MTUS2: variants seen among roughly 807,000 people sequenced by gnomAD.
MTUS2 encodes the protein microtubule associated scaffold protein 2.
Under a neutral mutation model 114.1 loss-of-function variants are expected in MTUS2, and 40 were observed. That is an observed-to-expected ratio of 0.35 (90% CI 0.27 to 0.46). The LOEUF is 0.46. Among genes scored for constraint, MTUS2 ranks in the 20% least tolerant of loss-of-function variants. The probability of loss-of-function intolerance (pLI) is 1.00; values close to 1 mark genes in which losing one functional copy is unlikely to be tolerated. For synonymous variants in MTUS2, 688 were observed against 672.0 expected (o/e 1.02, Z -0.37); for missense variants, 1,679 against 1,705.4 (o/e 0.98, Z 0.27).
Position 29,440,003 on chromosome 13 carries a change from A to G in MTUS2, c.3138A>G (p.Lys1046=), listed in dbSNP as rs1247118418. 2 of 1,588,006 alleles carry G rather than the reference A, an allele frequency of 1.3e-6. No homozygotes were observed. Among genetic ancestry groups the G allele is most frequent in the Non-Finnish European group, 8.6e-7 (1 of 1,165,408 alleles). Residue 1046 remains lysine, a synonymous_variant, in exon 9 of 16, where the codon AAA becomes AAG. Coordinates refer to ENST00000612955, the MANE Select transcript of MTUS2 (RefSeq NM_001033602.4). ...TTCAGAATGAAAGTGCCCTTGTGAAAGAAAAAGAGCTGTCAATCGAACTTG... is the reference window on the plus strand; with the variant it reads ...TTCAGAATGAAAGTGCCCTTGTGAAGGAAAAAGAGCTGTCAATCGAACTTG... The part of the protein sequence containing the change: ...FFRKNESALV[K]EKELSIELAN...
intron 2 of MTUS2, among the ~76,000 whole-genome samples, chr13:28,989,135 A>T (rs922794140): frequency 3.3e-5 from 5 of 152,144 alleles, no homozygotes; most frequent in African/African-American, 1.2e-4. Flanking sequence ...ATAACTTAAG[A>T]TGCTCTGTTG....
At chr13:29,050,253 A>T (rs897323175) in intron 4 of MTUS2, among the ~76,000 whole-genome samples, 3 of 152,110 alleles carry the variant, frequency 2.0e-5, no homozygotes, top group African/African-American at 7.2e-5. Context: ...CTAGATACCC[A>T]ATCAGTTTTA....
At chr13:29,115,397 C>T (rs570792524) in intron 5 of MTUS2, among the ~76,000 whole-genome samples, 1 of 152,274 alleles carries the variant, frequency 6.6e-6, no homozygotes, top group African/African-American at 2.4e-5. Context: ...GTGAATTTGG[C>T]ATTGGGATCT....
At chr13:29,445,141 A>C (rs1183282142) in intron 9 of MTUS2, among the ~76,000 whole-genome samples, 2 of 152,220 alleles carry the variant, frequency 1.3e-5, no homozygotes, top group Non-Finnish European at 2.9e-5. Flanking sequence ...ACTGGAAGAT[A>C]ATCTCCAATA....
chr13:29,298,804 A>G (rs1035051704), intron 6 of MTUS2, among the ~76,000 whole-genome samples: 3 of 152,216 alleles, frequency 2.0e-5, no homozygotes, highest in Admixed American at 6.5e-5. Flanking sequence ...TGAAAGAATC[A>G]TGGTGCCTCA....
At chr13:29,296,760 A>G (rs372624767) in intron 6 of MTUS2, among the ~76,000 whole-genome samples, 2 of 152,094 alleles carry the variant, frequency 1.3e-5, no homozygotes, top group Non-Finnish European at 2.9e-5. Context: ...AGGGTTGTCT[A>G]TTCAGCTCAT....
intron 2 of MTUS2, among the ~76,000 whole-genome samples, chr13:28,925,595 A>ACT (rs1322415245): frequency 1.3e-5 from 2 of 151,852 alleles, no homozygotes; most frequent in Non-Finnish European, 2.9e-5. Flanking sequence ...GGTGAGAGAA[A>ACT]CTCTACCTCA....
intron 8 of MTUS2, among the ~76,000 whole-genome samples, chr13:29,365,510 T>TTGTGTGTGTGTGTGTGTG (rs56164752): frequency 0.4 from 58,064 of 146,596 alleles, 13,173 homozygotes; most frequent in South Asian, 0.56. Flanking sequence ...TTGTTTGGGT[T>TTGTGTGTGTGTGTGTGTG]TGTGTGTGTG....
In MTUS2 at chr13:29,497,366, C is replaced by T. The variant is rs2297341; in HGVS notation, c.3678+30C>T. ...TTTCTGGATTCCAGGCTTCCAGCCCCGCAGGAACCCCGCCCCAGCAAGGCC... is the reference window on the plus strand; with the variant it reads ...TTTCTGGATTCCAGGCTTCCAGCCCTGCAGGAACCCCGCCCCAGCAAGGCC... On this transcript the variant is annotated intron_variant, in intron 13 of 15. Coordinates refer to ENST00000612955, the MANE Select transcript of MTUS2 (RefSeq NM_001033602.4). 708 of 1,585,230 alleles carry T rather than the reference C, an allele frequency of 4.5e-4. 10 individuals carry two copies. The East Asian group carries it at 0.015, about 35-fold the overall frequency.
intron 5 of MTUS2, among the ~76,000 whole-genome samples, chr13:29,222,547 C>T (rs1895949202): frequency 6.6e-6 from 1 of 152,224 alleles, no homozygotes; most frequent in Non-Finnish European, 1.5e-5. Context: ...AGGTGGTGGC[C>T]TGTCTGGAGC....
Position 29,141,481 on chromosome 13 carries a change from G to T in MTUS2, c.2644+40511G>T, listed in dbSNP as rs138867771. Among the ~76,000 whole-genome samples the T allele has an allele frequency of 2.8e-3, 419 of 152,296 alleles. 2 individuals carry two copies. Among genetic ancestry groups the T allele is most frequent in the African/African-American group, 9.6e-3 (399 of 41,554 alleles). On this transcript the variant is annotated intron_variant, in intron 5 of 15. Transcript: ENST00000612955. ...GATAATTCAGTTTGATTGCAGCCTT[G>T]TGGTTACAGAAGCACATAGGAGCCC...
In MTUS2 at chr13:29,440,161, G is replaced by C. The variant is rs1377868428; in HGVS notation, c.3184+112G>C. ...TAATAAGCCAGTGCAAACCTGCCTA[G>C]ATGAATGAAGTATCTCACCCAGCAC... On this transcript the variant is annotated intron_variant, in intron 9 of 15. Transcript: ENST00000612955. 2.0e-5 allele frequency: 20 copies of C among 1,005,358 alleles called. No individual in the cohort carries two copies. In the Admixed American group the frequency reaches 4.7e-4, roughly 23 times the overall value. 62.3% of individuals were successfully genotyped at this position (1,005,358 alleles called of 1,614,324 possible). A position where few individuals can be genotyped will look rare whatever the true frequency, so the allele number is the denominator to read the frequency against.
intron 4 of MTUS2, among the ~76,000 whole-genome samples, chr13:29,062,239 G>A (rs1184069362): frequency 1.3e-5 from 2 of 152,164 alleles, no homozygotes; most frequent in Admixed American, 1.3e-4. Context: ...ACCTGCCTCA[G>A]CCTCCCAAAG....
intron 5 of MTUS2, among the ~76,000 whole-genome samples, chr13:29,270,936 T>G (rs2139502311): frequency 6.6e-6 from 1 of 152,354 alleles, no homozygotes. Context: ...GAGCGTCTTC[T>G]CTGTCCCTTG....
intron 2 of MTUS2, among the ~76,000 whole-genome samples, chr13:28,953,240 G>T (rs973359893): frequency 6.6e-6 from 1 of 151,450 alleles, no homozygotes; most frequent in Admixed American, 6.6e-5. Flanking sequence ...TGGGCGCAGT[G>T]TCTCATGCCT....
At chr13:29,142,506 C>A (rs551476989) in intron 5 of MTUS2, among the ~76,000 whole-genome samples, 1 of 152,190 alleles carries the variant, frequency 6.6e-6, no homozygotes, top group Non-Finnish European at 1.5e-5. Context: ...GAGTTTGAGA[C>A]CAACCTGGCC....
At chr13:29,191,652 A>G (rs1894454745) in intron 5 of MTUS2, among the ~76,000 whole-genome samples, 4 of 152,178 alleles carry the variant, frequency 2.6e-5, no homozygotes, top group Non-Finnish European at 5.9e-5. Context: ...GCCTCCTGCC[A>G]GATGCTGACT....
intron 1 of MTUS2, among the ~76,000 whole-genome samples, chr13:28,835,580 T>C (rs73452672): frequency 0.013 from 1,976 of 152,332 alleles, 44 homozygotes; most frequent in African/African-American, 0.045. Context: ...ATAGTGGCGA[T>C]GCTTGCATGA....
intron 5 of MTUS2, among the ~76,000 whole-genome samples, chr13:29,192,456 G>A (rs904009523): frequency 5.3e-5 from 8 of 152,070 alleles, no homozygotes; most frequent in Admixed American, 2.0e-4. Flanking sequence ...TAGCTAGAGA[G>A]GAGGAATAAG....
Sources: allele counts gnomAD v4.1 joint callset (sites outside exome capture counted in the v4.1 genomes callset), GRCh38; gene constraint gnomAD v4.1.1; transcripts MANE v1.5; gene names NCBI Gene and HGNC (gene_info 2026-07-23, HGNC 2026-07-21).